FARS2: variants seen among roughly 807,000 people sequenced by gnomAD.
The protein encoded by FARS2 is phenylalanine--tRNA ligase, mitochondrial.
FARS2 carries 40 observed loss-of-function variants against 46.4 expected under a neutral mutation model. That is an observed-to-expected ratio of 0.86 (90% CI 0.67 to 1.12). The LOEUF (loss-of-function observed/expected upper bound fraction) is 1.12. Among genes scored for constraint, FARS2 ranks in the 50% most tolerant of loss-of-function variants. FARS2 has a pLI of 0.00. For synonymous variants in FARS2, 234 were observed against 214.9 expected (o/e 1.09, Z -0.78); for missense variants, 513 against 567.9 (o/e 0.90, Z 0.98).
intron 6 of FARS2, among the ~76,000 whole-genome samples, chr6:5,673,182 G>C (rs1453562428): frequency 1.3e-5 from 2 of 152,208 alleles, no homozygotes; most frequent in East Asian, 3.8e-4. Flanking sequence ...AAACCAATTA[G>C]AGAAGCACTG....
At chr6:5,275,134 A>C (rs1436723399) in intron 1 of FARS2, among the ~76,000 whole-genome samples, 1 of 152,202 alleles carries the variant, frequency 6.6e-6, no homozygotes, top group Non-Finnish European at 1.5e-5. Flanking sequence ...GTTGCGAATC[A>C]CTGGGATATT....
intron 1 of FARS2, among the ~76,000 whole-genome samples, chr6:5,338,709 G>A (rs138233410): frequency 0.012 from 1,864 of 152,126 alleles, 26 homozygotes; most frequent in African/African-American, 0.042. Context: ...CTTTCATTCT[G>A]TGTATGTGAG....
In FARS2 at chr6:5,771,554, C is replaced by A; in HGVS notation, c.*125C>A. The A allele has an allele frequency of 1.9e-6, 2 of 1,055,478 alleles. No homozygotes were observed. The highest frequency in any genetic ancestry group is 2.7e-6 in the Non-Finnish European group (2 of 740,884). The allele number at this position is 1,055,478 out of a possible 1,614,324, so 65.4% of individuals were successfully genotyped here. Reference sequence around the variant, plus strand: ...ATAAATGGATCAGTTTTAGGACTTTCAGAAAATAAAAGATCGCTCTTGAAA... The same window carrying A: ...ATAAATGGATCAGTTTTAGGACTTTAAGAAAATAAAAGATCGCTCTTGAAA... On this transcript the variant is annotated 3_prime_UTR_variant, in exon 7 of 7. Transcript: ENST00000274680.
intron 6 of FARS2, chr6:5,695,219 G>T (rs1229252698): frequency 3.3e-5 from 5 of 152,246 alleles, no homozygotes; most frequent in Admixed American, 6.5e-5. Context: ...ATCCCAGAAT[G>T]ATCGAAACAT....
At chr6:5,708,379 C>G (rs1222814413) in intron 6 of FARS2, among the ~76,000 whole-genome samples, 1 of 152,136 alleles carries the variant, frequency 6.6e-6, no homozygotes, top group Non-Finnish European at 1.5e-5. Flanking sequence ...CTGGCCAGCT[C>G]ACACATTACT....
intron 4 of FARS2, among the ~76,000 whole-genome samples, chr6:5,524,824 G>A (rs1769362691): frequency 6.6e-6 from 1 of 152,178 alleles, no homozygotes; most frequent in Non-Finnish European, 1.5e-5. Flanking sequence ...TCTTTCGATA[G>A]GTGAATAGTG....
At chr6:5,322,480 A>C (rs1770050105) in intron 1 of FARS2, among the ~76,000 whole-genome samples, 1 of 152,242 alleles carries the variant, frequency 6.6e-6, no homozygotes, top group African/African-American at 2.4e-5. Flanking sequence ...ACCAGAATGA[A>C]GGCAGATTGT....
intron 1 of FARS2, among the ~76,000 whole-genome samples, chr6:5,318,412 A>G (rs563046175): frequency 2.2e-3 from 298 of 135,320 alleles, no homozygotes; most frequent in Non-Finnish European, 3.0e-3. Flanking sequence ...AAAAAACCCT[A>G]CAAGATAATG....
intron 4 of FARS2, among the ~76,000 whole-genome samples, chr6:5,533,635 G>A (rs1427648658): frequency 6.6e-6 from 1 of 152,226 alleles, no homozygotes. Flanking sequence ...TGAAAAGGCT[G>A]TAGCGTATTA....
chr6:5,612,582 T>G (rs1006241134), intron 5 of FARS2, among the ~76,000 whole-genome samples: 1 of 152,118 alleles, frequency 6.6e-6, no homozygotes, highest in East Asian at 1.9e-4. Flanking sequence ...ACTACTGAGC[T>G]AGTAAGCTGG....
chr6:5,496,608 G>A (rs1444787516), intron 4 of FARS2, among the ~76,000 whole-genome samples: 1 of 152,188 alleles, frequency 6.6e-6, no homozygotes, highest in African/African-American at 2.4e-5. Context: ...TCCTTGGCTT[G>A]TAGATGGTTA....
intron 6 of FARS2, among the ~76,000 whole-genome samples, chr6:5,691,946 T>C (rs1185411669): frequency 1.3e-5 from 2 of 152,182 alleles, no homozygotes; most frequent in East Asian, 3.9e-4. Context: ...ACTGCTGTGC[T>C]AGCAATGAGC....
At chr6:5,391,468 T>C (rs73350546) in intron 2 of FARS2, among the ~76,000 whole-genome samples, 1,952 of 152,324 alleles carry the variant, frequency 0.013, 49 homozygotes, top group African/African-American at 0.043. Context: ...AAGTGTGTTA[T>C]AGGATCATGT....
In FARS2 at chr6:5,359,029, CCTTTTTTTTTTT is replaced by C. The variant is rs1431606955; in HGVS notation, c.-21-9520_-21-9509del. Reference sequence around the variant, plus strand: ...TCGAATTATAGTGATGAAAAGATACCCTTTTTTTTTTTTTTTTTTTTTTTTTTTGATATGGAG... The same window carrying C: ...TCGAATTATAGTGATGAAAAGATACCTTTTTTTTTTTTTTTTGATATGGAG... On this transcript the variant is annotated intron_variant, in intron 1 of 6. Coordinates refer to ENST00000274680, the MANE Select transcript of FARS2 (RefSeq NM_006567.5). Among the ~76,000 whole-genome samples, 446 of 72,532 alleles carry C rather than the reference CCTTTTTTTTTTT, an allele frequency of 6.1e-3. 21 individuals are homozygous for C. Among genetic ancestry groups the C allele is most frequent in the African/African-American group, 0.019 (417 of 22,056 alleles). The allele number at this position is 72,532 out of a possible 152,430, so 47.6% of individuals were successfully genotyped here.
At chr6:5,742,134 C>T (rs113510729) in intron 6 of FARS2, among the ~76,000 whole-genome samples, 20 of 152,304 alleles carry the variant, frequency 1.3e-4, no homozygotes, top group African/African-American at 3.8e-4. Flanking sequence ...TTGGCGTCAG[C>T]TTTTGCCCCA....
chr6:5,446,092 A>G (rs906060506), intron 4 of FARS2, among the ~76,000 whole-genome samples: 1 of 151,884 alleles, frequency 6.6e-6, no homozygotes, highest in African/African-American at 2.4e-5. Flanking sequence ...AGTCCCAGCT[A>G]CTCAGGAGGC....
At chr6:5,695,075 T>G (rs977852770) in intron 6 of FARS2, 17 of 152,232 alleles carry the variant, frequency 1.1e-4, no homozygotes, top group African/African-American at 4.1e-4. Flanking sequence ...CTTGTCTCAA[T>G]TCTGGTTTTT....
At chr6:5,538,796 T>A (rs1436355253) in intron 4 of FARS2, among the ~76,000 whole-genome samples, 1 of 152,150 alleles carries the variant, frequency 6.6e-6, no homozygotes, top group African/African-American at 2.4e-5. Context: ...AAGGTAAAAT[T>A]TGATGCAACT....
upstream of FARS2, among the ~76,000 whole-genome samples, chr6:5,259,272 G>A (rs1238137013): frequency 6.6e-6 from 1 of 152,176 alleles, no homozygotes. Flanking sequence ...TATTTAACTT[G>A]CATATTTCAT....
Sources: gnomAD v4.1 joint callset for allele counts (sites outside exome capture counted in the v4.1 genomes callset) on GRCh38, gnomAD v4.1.1 for gene constraint, MANE v1.5 for transcripts, NCBI Gene and HGNC (gene_info 2026-07-23, HGNC 2026-07-21) for gene names.